The following SEMA5A variants were observed in gnomAD, a reference collection of about 807,000 sequenced individuals.
SEMA5A encodes the protein semaphorin 5A, also known as semaphorin-5A.
A neutral mutation model predicts 135.5 loss-of-function variants in SEMA5A; 55 were observed. That is an observed-to-expected ratio of 0.41 (90% confidence interval 0.33 to 0.51). The LOEUF (loss-of-function observed/expected upper bound fraction) is 0.51. Among genes scored for constraint, SEMA5A ranks in the 20% least tolerant of loss-of-function variants. The probability of loss-of-function intolerance (pLI) is 0.37; values close to 1 mark genes in which losing one functional copy is unlikely to be tolerated. For missense variants in SEMA5A, 1,290 were observed against 1,419.9 expected (o/e 0.91, Z 1.47); for synonymous variants, 580 against 546.5 (o/e 1.06, Z -0.85).
intron 18 of SEMA5A, among the ~76,000 whole-genome samples, chr5:9,059,005 A>G (rs1191422283): frequency 1.3e-5 from 2 of 152,216 alleles, no homozygotes; most frequent in African/African-American, 4.8e-5. Flanking sequence ...AGGACACACA[A>G]CTGCCAGAAT....
At chr5:9,362,409 T>C (rs1451427043) in intron 3 of SEMA5A, among the ~76,000 whole-genome samples, 4 of 152,222 alleles carry the variant, frequency 2.6e-5, no homozygotes, top group African/African-American at 9.6e-5. Context: ...CCTACTGTTT[T>C]GCTGGAAATC....
At chr5:9,536,141 G>T (rs531541944) in intron 1 of SEMA5A, among the ~76,000 whole-genome samples, 1 of 152,274 alleles carries the variant, frequency 6.6e-6, no homozygotes, top group South Asian at 2.1e-4. Context: ...ACATGGGTTT[G>T]GGGGAGGACG....
Position 9,532,027 on chromosome 5 carries a change from G to A in SEMA5A, c.-175+13557C>T, listed in dbSNP as rs140081497. Among the ~76,000 whole-genome samples the A allele has an allele frequency of 3.4e-3, 514 of 152,310 alleles. 1 individual carries two copies. Among genetic ancestry groups the A allele is most frequent in the African/African-American group, 0.012 (495 of 41,568 alleles). ...CCTCAGTTGTGTCTTCCAGGTTCTAGAAATCTATGGAATGTTTTTATCAAC... is the reference window on the plus strand; with the variant it reads ...CCTCAGTTGTGTCTTCCAGGTTCTAAAAATCTATGGAATGTTTTTATCAAC... On this transcript the variant is annotated intron_variant, in intron 1 of 22. Coordinates refer to ENST00000382496, the MANE Select transcript of SEMA5A (RefSeq NM_003966.3).
intron 17 of SEMA5A, among the ~76,000 whole-genome samples, chr5:9,064,016 T>C (rs962490066): frequency 6.6e-5 from 10 of 152,180 alleles, no homozygotes; most frequent in Non-Finnish European, 1.0e-4. Context: ...AAGTATGCAG[T>C]AAAGTTCCGG....
intron 13 of SEMA5A, among the ~76,000 whole-genome samples, chr5:9,135,173 G>A (rs73740345): frequency 0.075 from 10,991 of 146,096 alleles, 454 homozygotes; most frequent in South Asian, 0.15. Context: ...CTGGTTTTCC[G>A]ACTTTCTTTT....
At chr5:9,344,933 G>A (rs1753798557) in intron 3 of SEMA5A, among the ~76,000 whole-genome samples, 1 of 152,080 alleles carries the variant, frequency 6.6e-6, no homozygotes. Flanking sequence ...CCTGCCCAAG[G>A]CTATGCATGT....
At chr5:9,058,485 C>T (rs906257608) in intron 18 of SEMA5A, among the ~76,000 whole-genome samples, 1 of 152,142 alleles carries the variant, frequency 6.6e-6, no homozygotes, top group Non-Finnish European at 1.5e-5. Flanking sequence ...AACTCAGATC[C>T]ATGTTTCTTT....
intron 1 of SEMA5A, chr5:9,511,227 T>C (rs1007956353): frequency 6.6e-6 from 1 of 152,202 alleles, no homozygotes; most frequent in South Asian, 2.1e-4. Context: ...CTTCTACAGC[T>C]TGTCAAATGC....
chr5:9,414,936 C>T (rs547100150), intron 2 of SEMA5A, among the ~76,000 whole-genome samples: 9 of 152,270 alleles, frequency 5.9e-5, no homozygotes, highest in South Asian at 2.1e-4. Context: ...ATAGCATGTC[C>T]GCTATAAATA....
At chr5:9,240,870 CT>C (rs1159630561) in intron 5 of SEMA5A, among the ~76,000 whole-genome samples, 1 of 152,122 alleles carries the variant, frequency 6.6e-6, no homozygotes, top group Non-Finnish European at 1.5e-5. Flanking sequence ...CCAAACCTAT[CT>C]TTACAATAGT....
chr5:9,215,234 C>G (rs1168297444), intron 8 of SEMA5A, among the ~76,000 whole-genome samples: 1 of 152,156 alleles, frequency 6.6e-6, no homozygotes, highest in African/African-American at 2.4e-5. Context: ...AACAGATTTA[C>G]CAGCAGTAGA....
intron 12 of SEMA5A, among the ~76,000 whole-genome samples, chr5:9,145,703 G>A (rs6883238): frequency 0.91 from 134,818 of 148,424 alleles, 61,731 homozygotes; most frequent in Non-Finnish European, 0.97. Context: ...TAGTGGTGCA[G>A]TCTTGGCTCA....
chr5:9,126,681 G>A (rs538606101), intron 13 of SEMA5A, among the ~76,000 whole-genome samples: 28 of 152,242 alleles, frequency 1.8e-4, no homozygotes, highest in Middle Eastern at 3.4e-3. Flanking sequence ...TTGGCAGGCC[G>A]GGGTGGGGAA....
At chr5:9,377,634 G>A (rs1304565809) in intron 3 of SEMA5A, among the ~76,000 whole-genome samples, 1 of 152,084 alleles carries the variant, frequency 6.6e-6, no homozygotes, top group Non-Finnish European at 1.5e-5. Flanking sequence ...AAATGACTGT[G>A]TACTAAAGAA....
chr5:9,151,173 T>C (rs530797592), intron 12 of SEMA5A, among the ~76,000 whole-genome samples: 1 of 152,336 alleles, frequency 6.6e-6, no homozygotes, highest in East Asian at 1.9e-4. Context: ...TTGTCAGATA[T>C]GTGAAAGAAA....
intron 7 of SEMA5A, 72 bp downstream of exon 7, chr5:9,226,797 A>G: frequency 8.4e-7 from 1 of 1,194,424 alleles, no homozygotes; most frequent in Non-Finnish European, 1.2e-6. Flanking sequence ...ATTCATTTAA[A>G]ACTAGTATTT....
At chr5:9,152,889 T>C (rs1056701470) in intron 12 of SEMA5A, among the ~76,000 whole-genome samples, 6 of 152,070 alleles carry the variant, frequency 3.9e-5, no homozygotes, top group Admixed American at 2.0e-4. Context: ...CTGGCCAACA[T>C]GGTGAAACCC....
intron 3 of SEMA5A, among the ~76,000 whole-genome samples, chr5:9,338,271 A>G (rs1753486231): frequency 6.6e-6 from 1 of 152,206 alleles, no homozygotes; most frequent in Admixed American, 6.5e-5. Context: ...TTCAAATTAG[A>G]TGTTCCATTT....
chr5:9,323,748 A>G (rs951191466), intron 4 of SEMA5A, among the ~76,000 whole-genome samples: 1 of 135,088 alleles, frequency 7.4e-6, no homozygotes, highest in African/African-American at 2.9e-5. Flanking sequence ...TGCAACCTCC[A>G]CTTCCTGGGT....
Sources: allele counts gnomAD v4.1 joint callset (sites outside exome capture counted in the v4.1 genomes callset), GRCh38; gene constraint gnomAD v4.1.1; transcripts MANE v1.5; gene names NCBI Gene and HGNC (gene_info 2026-07-23, HGNC 2026-07-21).